Variants in SYT17 observed in about 807,000 individuals in gnomAD.
The protein encoded by SYT17 is synaptotagmin-17.
Under a neutral mutation model 46.7 loss-of-function variants are expected in SYT17, and 22 were observed. The ratio of observed to expected loss-of-function variants is 0.47; its 90% confidence interval spans 0.34 to 0.67. The LOEUF is 0.67. Among genes scored for constraint, SYT17 ranks in the 30% least tolerant of loss-of-function variants. The probability of loss-of-function intolerance (pLI) is 0.01; values close to 1 mark genes in which losing one functional copy is unlikely to be tolerated. For missense variants in SYT17, 519 were observed against 612.8 expected, an observed-to-expected ratio of 0.85 and a Z score of 1.62; for synonymous variants, 251 against 248.4, an observed-to-expected ratio of 1.01 and a Z score of -0.10.
At chr16:19,180,006 G>A (rs929611379) in intron 3 of SYT17, among the ~76,000 whole-genome samples, 1 of 152,300 alleles carries the variant, frequency 6.6e-6, no homozygotes. Context: ...AAAAGCAGAA[G>A]TTCGGATGCC....
intron 7 of SYT17, among the ~76,000 whole-genome samples, chr16:19,244,996 G>C (rs927210404): frequency 7.9e-5 from 12 of 152,170 alleles, no homozygotes; most frequent in African/African-American, 2.9e-4. Context: ...ACCCAAGGAG[G>C]CAAATAGAAG....
At chr16:19,177,113 T>C (rs1964345388) in intron 3 of SYT17, among the ~76,000 whole-genome samples, 1 of 152,204 alleles carries the variant, frequency 6.6e-6, no homozygotes, top group Non-Finnish European at 1.5e-5. Flanking sequence ...AGTTGCGTTT[T>C]GCCTTGACTG....
chr16:19,195,479 G>C (rs1965200991), intron 5 of SYT17, among the ~76,000 whole-genome samples: 1 of 151,694 alleles, frequency 6.6e-6, no homozygotes, highest in South Asian at 2.1e-4. Flanking sequence ...ACTTTGAGAG[G>C]CTGAGGCAGG....
chr16:19,170,972 T>C (rs1242122894), intron 1 of SYT17: 1 of 152,134 alleles, frequency 6.6e-6, no homozygotes, highest in Non-Finnish European at 1.5e-5. Flanking sequence ...GCATAGTCAG[T>C]GTCCTGTCCC....
chr16:19,178,497 G>C (rs894245643), intron 3 of SYT17, among the ~76,000 whole-genome samples: 1 of 151,676 alleles, frequency 6.6e-6, no homozygotes, highest in Non-Finnish European at 1.5e-5. Context: ...TCGCCATGTC[G>C]GCCGGGTTGG....
chr16:19,222,262 A>G (rs933939204), intron 5 of SYT17, among the ~76,000 whole-genome samples: 5 of 152,024 alleles, frequency 3.3e-5, no homozygotes, highest in African/African-American at 9.7e-5. Flanking sequence ...ATGCTAGTCT[A>G]TTGTTTTGTA....
intron 7 of SYT17, among the ~76,000 whole-genome samples, chr16:19,265,005 C>T (rs894139234): frequency 2.0e-5 from 3 of 152,114 alleles, no homozygotes; most frequent in African/African-American, 7.2e-5. Context: ...GAAGATAGAA[C>T]ATTTTGCCCC....
chr16:19,216,844 A>C (rs1966114999), intron 5 of SYT17, among the ~76,000 whole-genome samples: 1 of 152,178 alleles, frequency 6.6e-6, no homozygotes, highest in South Asian at 2.1e-4. Flanking sequence ...ATAAACATAC[A>C]TGTGCATGTG....
intron 5 of SYT17, among the ~76,000 whole-genome samples, chr16:19,205,261 TC>T (rs1181223049): frequency 6.6e-6 from 1 of 152,164 alleles, no homozygotes; most frequent in Non-Finnish European, 1.5e-5. Context: ...GTCAGTGGCC[TC>T]CTGGACTCTG....
chr16:19,193,489 C>T (rs1200831804), intron 5 of SYT17, among the ~76,000 whole-genome samples: 2 of 152,184 alleles, frequency 1.3e-5, no homozygotes, highest in Admixed American at 6.5e-5. Context: ...GCCTTTTAGA[C>T]CTTTGATGTC....
intron 5 of SYT17, among the ~76,000 whole-genome samples, chr16:19,197,074 T>C (rs139338801): frequency 3.9e-5 from 6 of 152,344 alleles, no homozygotes; most frequent in Admixed American, 2.6e-4. Context: ...ACAAGGCAAA[T>C]GCCAGGTTTC....
chr16:19,216,338 T>C (rs1379172111), intron 5 of SYT17, among the ~76,000 whole-genome samples: 1 of 152,132 alleles, frequency 6.6e-6, no homozygotes, highest in Non-Finnish European at 1.5e-5. Flanking sequence ...GTCTTGGGTT[T>C]CATTTATATT....
intron 5 of SYT17, among the ~76,000 whole-genome samples, chr16:19,199,796 A>G (rs1214073723): frequency 6.6e-6 from 1 of 152,244 alleles, no homozygotes; most frequent in East Asian, 1.9e-4. Context: ...GAGAAAACTA[A>G]TGGGGCTATA....
intron 7 of SYT17, among the ~76,000 whole-genome samples, chr16:19,260,603 C>T (rs575975934): frequency 2.0e-5 from 3 of 151,664 alleles, no homozygotes; most frequent in African/African-American, 7.2e-5. Flanking sequence ...TGTCTGACTT[C>T]CCCTTCCCAC....
Position 19,183,824 on chromosome 16 carries a change from G to C in SYT17, c.628G>C (p.Asp210His), listed in dbSNP as rs1486918780. 10 of 1,614,014 alleles carry C rather than the reference G, an allele frequency of 6.2e-6. No individual in the cohort carries two copies. Among genetic ancestry groups the C allele is most frequent in the Non-Finnish European group, 7.6e-6 (9 of 1,180,054 alleles). The change falls in exon 5 of 8, where the codon GAC becomes CAC. Residue 210 changes from aspartate (D) to histidine (H), a missense_variant. Asp to His is a moderately conservative substitution (Grantham distance 81). Transcript: ENST00000355377. This position sits in a 1 kb window ranked among gnomAD's most constrained non-coding sequence, Gnocchi z 5.6. ...CACCGTGCGCGTGATCGAGGCCAGG[G>C]ACCTGCCACCTCCCATCTCCCACGA... ...HLTVRVIEAR[D>H]LPPPISHDGS...
At chr16:19,260,128 T>C (rs545441340) in intron 7 of SYT17, among the ~76,000 whole-genome samples, 2 of 152,042 alleles carry the variant, frequency 1.3e-5, no homozygotes, top group Admixed American at 1.3e-4. Flanking sequence ...GGTTTTATCA[T>C]GCAGATAAAG....
intron 5 of SYT17, among the ~76,000 whole-genome samples, chr16:19,191,356 A>G (rs982232783): frequency 2.6e-5 from 4 of 152,198 alleles, no homozygotes; most frequent in Non-Finnish European, 4.4e-5. Context: ...GCTGTTATCA[A>G]TGAGATTAGC....
chr16:19,180,680 A>G (rs1964516410), intron 4 of SYT17, 141 bp downstream of exon 4: 1 of 974,388 alleles, frequency 1.0e-6, no homozygotes, highest in African/African-American at 1.6e-5. Flanking sequence ...GGCGAGAGAG[A>G]GATAATGACG....
intron 7 of SYT17, among the ~76,000 whole-genome samples, chr16:19,238,422 T>A (rs1227641958): frequency 1.3e-5 from 2 of 152,198 alleles, no homozygotes; most frequent in Non-Finnish European, 2.9e-5. Context: ...AGCATAGACC[T>A]GACCTGTTAC....
Sources: allele counts gnomAD v4.1 joint callset (sites outside exome capture counted in the v4.1 genomes callset), GRCh38; gene constraint gnomAD v4.1.1; non-coding constraint Gnocchi (gnomAD v3.1); transcripts MANE v1.5; gene names NCBI Gene and HGNC (gene_info 2026-07-23, HGNC 2026-07-21).